The following LRRC20 variants were observed in gnomAD, a reference collection of about 807,000 sequenced individuals.
LRRC20 encodes leucine-rich repeat-containing protein 20.
In LRRC20, 11 loss-of-function variants were observed where a neutral mutation model predicts 14.4. That is an observed-to-expected ratio of 0.77 (90% CI 0.48 to 1.27). The LOEUF is 1.27. Ranked by LOEUF, LRRC20 falls within the 50% of genes most tolerant of loss-of-function variation. The probability of loss-of-function intolerance (pLI) is 0.00; values close to 1 mark genes in which losing one functional copy is unlikely to be tolerated. For synonymous variants in LRRC20, 121 were observed against 107.3 expected (o/e 1.13, Z -0.79); for missense variants, 219 against 251.2 (o/e 0.87, Z 0.87).
chr10:70,358,059 C>G (rs1843595954), intron 2 of LRRC20, among the ~76,000 whole-genome samples: 1 of 152,214 alleles, frequency 6.6e-6, no homozygotes, highest in Admixed American at 6.5e-5. Flanking sequence ...ACTAAGTAGG[C>G]AAAGGGTAGA....
At position 70,373,388 on chromosome 10, in the gene LRRC20, G is replaced by A. The variant is rs140185665; in HGVS notation, c.82+3064C>T. Reference sequence around the variant, plus strand: ...GTTCTCTGAAGACTGTCTTGTAGGTGGTGGGCTGGTCTCAGGTCCAGGACT... The same window carrying A: ...GTTCTCTGAAGACTGTCTTGTAGGTAGTGGGCTGGTCTCAGGTCCAGGACT... On this transcript the variant is annotated intron_variant, in intron 2 of 4. Coordinates refer to ENST00000446961, the MANE Select transcript of LRRC20 (RefSeq NM_001278212.2). Among the ~76,000 whole-genome samples the A allele has an allele frequency of 2.9e-3, 439 of 152,212 alleles. 3 individuals are homozygous for A. Among genetic ancestry groups the A allele is most frequent in the Non-Finnish European group, 4.6e-3 (314 of 68,012 alleles).
At position 70,324,010 on chromosome 10, in the gene LRRC20, A is replaced by G. The variant is rs530880302; in HGVS notation, c.253T>C (p.Phe85Leu). Residue 85 changes from phenylalanine to leucine, a missense_variant, in exon 4 of 5, where the codon TTC (phenylalanine) becomes CTC (leucine). Phe to Leu is a conservative substitution (Grantham distance 22, BLOSUM62 0). Transcript: ENST00000446961. ...ACCTCGCTGGGGAGGCGGTGTAGGA[A>G]GTTCCCCTCCAGGTGGAGCTCTGCC... Reference protein sequence around the residue: ...QLRELHLEGNFLHRLPSEVSA... With the variant: ...QLRELHLEGNLLHRLPSEVSA... The G allele has an allele frequency of 6.2e-7, 1 of 1,614,054 alleles. No homozygotes were observed. The highest frequency in any genetic ancestry group is 1.3e-5 in the African/African-American group (1 of 75,054).
At chr10:70,349,849 T>C (rs1293598508) in intron 2 of LRRC20, among the ~76,000 whole-genome samples, 2 of 152,148 alleles carry the variant, frequency 1.3e-5, no homozygotes, top group Admixed American at 1.3e-4. Context: ...TTTCCTAATT[T>C]TAGCATTGAG....
intron 2 of LRRC20, among the ~76,000 whole-genome samples, chr10:70,374,920 GAC>G (rs930198721): frequency 6.6e-6 from 1 of 152,160 alleles, no homozygotes; most frequent in African/African-American, 2.4e-5. Flanking sequence ...TGATGAGGTA[GAC>G]ACAATTACCA....
At chr10:70,320,926 A>G (rs1036670468) in intron 4 of LRRC20, among the ~76,000 whole-genome samples, 4 of 152,140 alleles carry the variant, frequency 2.6e-5, no homozygotes, top group Non-Finnish European at 4.4e-5. Context: ...TGGCAGCTCT[A>G]TTCGGAAACA....
At chr10:70,318,282 C>T (rs761194775) in intron 4 of LRRC20, among the ~76,000 whole-genome samples, 2 of 152,152 alleles carry the variant, frequency 1.3e-5, no homozygotes, top group Non-Finnish European at 2.9e-5. Context: ...TGATGTAGGT[C>T]TAGGGCAAGG....
At chr10:70,343,703 G>A (rs973536007) in intron 2 of LRRC20, among the ~76,000 whole-genome samples, 2 of 152,198 alleles carry the variant, frequency 1.3e-5, no homozygotes, top group African/African-American at 4.8e-5. Flanking sequence ...GCCCTCTAGT[G>A]CTCTGTGACC....
intron 4 of LRRC20, among the ~76,000 whole-genome samples, chr10:70,323,581 G>C (rs957048021): frequency 6.6e-6 from 1 of 152,234 alleles, no homozygotes; most frequent in African/African-American, 2.4e-5. Context: ...GAGAACTGGA[G>C]AGGGAGAGCT....
intron 4 of LRRC20, among the ~76,000 whole-genome samples, chr10:70,315,896 C>A (rs1186195351): frequency 6.6e-6 from 1 of 152,152 alleles, no homozygotes; most frequent in Non-Finnish European, 1.5e-5. Flanking sequence ...AGTGTCTCAG[C>A]GTACTGACTT....
In LRRC20 at chr10:70,299,883, C is replaced by T. The variant is rs552852770; in HGVS notation, c.*1471G>A. The T allele has an allele frequency of 1.3e-5, 2 of 152,406 alleles. 1 individual carries two copies. The highest frequency in any genetic ancestry group is 4.1e-4 in the South Asian group (2 of 4,826). The allele number at this position is 152,406 out of a possible 1,614,324, so 9.4% of individuals were successfully genotyped here. On this transcript the variant is annotated 3_prime_UTR_variant, in exon 5 of 5. Transcript: ENST00000446961. ...AGTGATGGCCCAACAATGGCCCGAC[C>T]TATCAGTTCCTTCCCAAGAGACAAG...
intron 2 of LRRC20, among the ~76,000 whole-genome samples, chr10:70,363,957 CT>C (rs1289668219): frequency 6.6e-6 from 1 of 152,184 alleles, no homozygotes; most frequent in African/African-American, 2.4e-5. Context: ...CTCCAGCCCC[CT>C]CTCCTCCCTG....
chr10:70,333,575 C>A (rs1842616366), intron 3 of LRRC20, among the ~76,000 whole-genome samples: 1 of 152,074 alleles, frequency 6.6e-6, no homozygotes, highest in Non-Finnish European at 1.5e-5. Context: ...CTTAACACTG[C>A]TAGGAAGGGC....
chr10:70,364,309 C>T (rs558461484), intron 2 of LRRC20, among the ~76,000 whole-genome samples: 1 of 152,358 alleles, frequency 6.6e-6, no homozygotes, highest in African/African-American at 2.4e-5. Context: ...CCTGGCAGCC[C>T]CCTTTCAGTG....
At chr10:70,303,178 T>C (rs980350167) in intron 4 of LRRC20, among the ~76,000 whole-genome samples, 3 of 152,238 alleles carry the variant, frequency 2.0e-5, no homozygotes, top group African/African-American at 7.2e-5. Context: ...AAGACTATTA[T>C]GTGCATAAAG....
chr10:70,302,277 C>A (rs1423683319), intron 4 of LRRC20, among the ~76,000 whole-genome samples: 2 of 151,944 alleles, frequency 1.3e-5, no homozygotes, highest in Admixed American at 1.3e-4. Flanking sequence ...CGCACCACTG[C>A]ACTCCAGCCT....
chr10:70,347,754 G>A (rs183350070), intron 2 of LRRC20, among the ~76,000 whole-genome samples: 4 of 149,516 alleles, frequency 2.7e-5, no homozygotes, highest in Admixed American at 6.7e-5. Flanking sequence ...GGGAGGAGGA[G>A]GTTACAGTGA....
chr10:70,318,965 C>A (rs1841977073), intron 4 of LRRC20, among the ~76,000 whole-genome samples: 1 of 151,720 alleles, frequency 6.6e-6, no homozygotes, highest in East Asian at 2.0e-4. Context: ...CACTACCACA[C>A]CCGGCTAATT....
intron 2 of LRRC20, among the ~76,000 whole-genome samples, chr10:70,356,253 C>T (rs148931925): frequency 1.3e-5 from 2 of 152,244 alleles, no homozygotes; most frequent in Middle Eastern, 3.4e-3. Context: ...GGCTCACGCC[C>T]GTAACCCAAG....
At chr10:70,327,203 G>A (rs996295352) in intron 3 of LRRC20, among the ~76,000 whole-genome samples, 1 of 152,216 alleles carries the variant, frequency 6.6e-6, no homozygotes, top group Non-Finnish European at 1.5e-5. Context: ...GGGATGCCCA[G>A]ACAGCTGGTC....
Sources: gnomAD v4.1 joint callset for allele counts (sites outside exome capture counted in the v4.1 genomes callset) on GRCh38, gnomAD v4.1.1 for gene constraint, MANE v1.5 for transcripts, NCBI Gene and HGNC (gene_info 2026-07-23, HGNC 2026-07-21) for gene names.